The following GNA12 variants were observed in gnomAD, a reference collection of about 807,000 sequenced individuals.
GNA12 encodes the protein guanine nucleotide-binding protein subunit alpha-12.
Under a neutral mutation model 26.0 loss-of-function variants are expected in GNA12, and 9 were observed. The ratio of observed to expected loss-of-function variants is 0.35; its 90% CI spans 0.21 to 0.60. The LOEUF (loss-of-function observed/expected upper bound fraction) is 0.60. GNA12 is among the 20% of genes least tolerant of loss of function. The pLI is 0.78. For missense variants in GNA12, 405 were observed against 525.8 expected (o/e 0.77, Z 2.25); for synonymous variants, 264 against 219.6 (o/e 1.20, Z -1.79).
intron 2 of GNA12, among the ~76,000 whole-genome samples, chr7:2,764,124 G>A (rs1043382929): frequency 3.3e-5 from 5 of 152,202 alleles, no homozygotes; most frequent in African/African-American, 1.2e-4. Flanking sequence ...AGGTTAGGGG[G>A]CCGTGGTGCA....
At chr7:2,748,025 G>C (rs1790851927) in intron 2 of GNA12, among the ~76,000 whole-genome samples, 1 of 150,468 alleles carries the variant, frequency 6.6e-6, no homozygotes, top group South Asian at 2.1e-4. Flanking sequence ...CAAACAAATG[G>C]AAGAACATTC....
chr7:2,817,395 G>T (rs1440362246), intron 1 of GNA12, among the ~76,000 whole-genome samples: 2 of 152,144 alleles, frequency 1.3e-5, no homozygotes. Context: ...TTACAGGCAT[G>T]AGCCACCACA....
At position 2,729,769 on chromosome 7, in the gene GNA12, C is replaced by T. The variant is rs565256514; in HGVS notation, c.*1412G>A. 1.2e-4 allele frequency: 18 copies of T among 152,498 alleles called. No individual in the cohort carries two copies. The highest frequency in any genetic ancestry group is 4.3e-4 in the African/African-American group (18 of 41,560). The allele number at this position is 152,498 out of a possible 1,614,324, so 9.4% of individuals were successfully genotyped here. ...TTTCATTTTCTTGTAAATGCTAGGA[C>T]ACATCCCAAAACACACTAGGCAGGA... On this transcript the variant is annotated 3_prime_UTR_variant, in exon 4 of 4. Coordinates refer to ENST00000275364, the MANE Select transcript of GNA12 (RefSeq NM_007353.3).
rs78633868 is a variant in GNA12 at position 2,809,450 on chromosome 7, G to C, written c.310-14307C>G. ...TAGCGTTTCAATGTATTTTTCATTG[G>C]AAATTCCACCCTATGATGACTCATT... On this transcript the variant is annotated intron_variant, in intron 1 of 3. Coordinates refer to ENST00000275364, the MANE Select transcript of GNA12 (RefSeq NM_007353.3). 9.4e-3 allele frequency among the ~76,000 whole-genome samples: 1,429 copies of C among 152,086 alleles called. 10 individuals are homozygous for C. Among genetic ancestry groups the C allele is most frequent in the Middle Eastern group, 0.075 (22 of 294 alleles).
chr7:2,806,457 CAAAAAAA>C (rs34036056), intron 1 of GNA12, among the ~76,000 whole-genome samples: 3 of 80,708 alleles, frequency 3.7e-5, no homozygotes, highest in Non-Finnish European at 7.1e-5. Flanking sequence ...GACTCTGTCT[CAAAAAAA>C]AAAAAAAAAA....
intron 1 of GNA12, among the ~76,000 whole-genome samples, chr7:2,811,453 G>C (rs1320783332): frequency 6.6e-6 from 1 of 152,212 alleles, no homozygotes; most frequent in Non-Finnish European, 1.5e-5. Context: ...TGTTCCAGAG[G>C]TACAGGAGAA....
At chr7:2,769,788 CA>C (rs34029378) in intron 2 of GNA12, among the ~76,000 whole-genome samples, 1 of 152,152 alleles carries the variant, frequency 6.6e-6, no homozygotes, top group South Asian at 2.1e-4. Context: ...AATTCTCTCC[CA>C]AAAAGGTTGT....
chr7:2,756,156 C>G (rs935609485), intron 2 of GNA12, among the ~76,000 whole-genome samples: 2 of 151,848 alleles, frequency 1.3e-5, no homozygotes, highest in Non-Finnish European at 2.9e-5. Flanking sequence ...ACATATATGG[C>G]CAATTGATTT....
At chr7:2,750,256 T>C (rs775323906) in intron 2 of GNA12, among the ~76,000 whole-genome samples, 54 of 152,150 alleles carry the variant, frequency 3.5e-4, no homozygotes, top group Non-Finnish European at 6.8e-4. Context: ...ATCAGAGAGC[T>C]GAGATCACAG....
intron 2 of GNA12, among the ~76,000 whole-genome samples, chr7:2,774,543 C>CA (rs955557758): frequency 5.9e-5 from 9 of 152,108 alleles, no homozygotes; most frequent in African/African-American, 2.2e-4. Context: ...GCAGCAGTGA[C>CA]AGAGAGGAGG....
intron 1 of GNA12, among the ~76,000 whole-genome samples, chr7:2,841,808 C>T (rs1007770242): frequency 5.3e-5 from 8 of 152,126 alleles, no homozygotes; most frequent in Non-Finnish European, 8.8e-5. Context: ...CAAATGTACC[C>T]GATAGGTTTC....
At chr7:2,809,797 AAT>A (rs1793036110) in intron 1 of GNA12, among the ~76,000 whole-genome samples, 2 of 152,156 alleles carry the variant, frequency 1.3e-5, no homozygotes, top group Admixed American at 1.3e-4. Context: ...TAAATATGTA[AAT>A]ATTTATGTAA....
chr7:2,800,423 G>T (rs1792781330), intron 1 of GNA12, among the ~76,000 whole-genome samples: 1 of 152,142 alleles, frequency 6.6e-6, no homozygotes, highest in Non-Finnish European at 1.5e-5. Context: ...ACACAGGTGA[G>T]GAAAGGGCGC....
intron 1 of GNA12, among the ~76,000 whole-genome samples, chr7:2,820,401 C>CTTTTTTTTT (rs35674433): frequency 1.1e-4 from 14 of 126,364 alleles, no homozygotes; most frequent in African/African-American, 3.9e-4. Context: ...CTCAATAAAG[C>CTTTTTTTTT]TTTTTTTTTT....
intron 2 of GNA12, among the ~76,000 whole-genome samples, chr7:2,770,210 T>C (rs1021145690): frequency 5.9e-5 from 9 of 152,232 alleles, no homozygotes; most frequent in African/African-American, 1.2e-4. Context: ...AGGATAACCA[T>C]ATGCCCCACT....
intron 1 of GNA12, among the ~76,000 whole-genome samples, chr7:2,819,381 C>G (rs1431315916): frequency 1.3e-5 from 2 of 152,176 alleles, no homozygotes; most frequent in Non-Finnish European, 2.9e-5. Context: ...ACACTGTGCC[C>G]AGACCTCTGA....
At chr7:2,739,014 G>C (rs1790361221) in intron 2 of GNA12, among the ~76,000 whole-genome samples, 1 of 152,152 alleles carries the variant, frequency 6.6e-6, no homozygotes, top group African/African-American at 2.4e-5. Flanking sequence ...AGGAAGAGCT[G>C]CACAGGGTCC....
intron 1 of GNA12, among the ~76,000 whole-genome samples, chr7:2,800,340 G>C (rs1012906575): frequency 2.0e-5 from 3 of 152,222 alleles, no homozygotes; most frequent in Admixed American, 6.5e-5. Context: ...AAAGACAGGG[G>C]GAGAAGTGAC....
intron 1 of GNA12, among the ~76,000 whole-genome samples, chr7:2,802,778 T>C (rs898093249): frequency 6.6e-6 from 1 of 152,206 alleles, no homozygotes; most frequent in African/African-American, 2.4e-5. Context: ...TGCATTTCTT[T>C]ACATTGATGA....
Sources: gnomAD v4.1 joint callset for allele counts (sites outside exome capture counted in the v4.1 genomes callset) on GRCh38, gnomAD v4.1.1 for gene constraint, MANE v1.5 for transcripts, NCBI Gene and HGNC (gene_info 2026-07-23, HGNC 2026-07-21) for gene names.